ABCB4: variants seen among roughly 807,000 people sequenced by gnomAD.
ABCB4 encodes phosphatidylcholine translocator ABCB4.
Under a neutral mutation model 145.7 loss-of-function variants are expected in ABCB4, and 76 were observed. That is an observed-to-expected ratio of 0.52 (90% CI 0.43 to 0.63). ABCB4 has a LOEUF of 0.63. Ranked by LOEUF, ABCB4 falls within the 30% of genes least tolerant of loss-of-function variation. ABCB4 has a pLI of 0.00. For missense variants in ABCB4, 1,234 were observed against 1,553.1 expected, an observed-to-expected ratio of 0.79 and a Z score of 3.45; for synonymous variants, 517 against 566.8, an observed-to-expected ratio of 0.91 and a Z score of 1.25.
Position 87,412,030 on chromosome 7 carries a change from A to G in ABCB4, c.2787T>C (p.Asn929=). ...CATAGATGTGTGCCTTCTGCACAGA[A>G]TTCCTGAAAAGCAAATCAGTATACT... ...YVEKLYGPYR[N]SVQKAHIYGI... Residue 929 remains asparagine (N), a synonymous_variant, in exon 23 of 28, where the codon AAT becomes AAC. Transcript: ENST00000649586. 1.2e-6 allele frequency: 2 copies of G among 1,613,682 alleles called. No individual in the cohort carries two copies. The highest frequency in any genetic ancestry group is 2.2e-5 in the South Asian group (2 of 91,072).
chr7:87,449,084 C>T (rs993396578), intron 8 of ABCB4, among the ~76,000 whole-genome samples: 2 of 152,162 alleles, frequency 1.3e-5, no homozygotes, highest in Non-Finnish European at 2.9e-5. Context: ...GTATACACAG[C>T]TTTTCATATG....
At chr7:87,366,180 A>T in the ABCB4 span, among the ~76,000 whole-genome samples, 1 of 152,068 alleles carries the variant, frequency 6.6e-6, no homozygotes, top group Admixed American at 6.6e-5. Context: ...TCTCTAAAAG[A>T]TGTTACTAAA....
chr7:87,454,372 A>G (rs1811970471), intron 5 of ABCB4, among the ~76,000 whole-genome samples, 163 bp downstream of exon 5: 1 of 152,246 alleles, frequency 6.6e-6, no homozygotes, highest in South Asian at 2.1e-4. Context: ...GTAAAGGGCC[A>G]TGATGTGTGC....
chr7:87,468,752 G>A (rs1004309319), intron 3 of ABCB4, among the ~76,000 whole-genome samples: 2 of 151,868 alleles, frequency 1.3e-5, no homozygotes, highest in African/African-American at 2.4e-5. Flanking sequence ...CTAACATGGT[G>A]AAACCCTGTC....
At position 87,406,427 on chromosome 7, in the gene ABCB4, G is replaced by A; in HGVS notation, c.3347C>T (p.Ser1116Phe). The A allele has an allele frequency of 6.2e-7, 1 of 1,613,978 alleles. No individual in the cohort carries two copies. Among genetic ancestry groups the A allele is most frequent in the South Asian group, 1.1e-5 (1 of 91,060 alleles). ...QWLRAQLGIVSQEPILFDCSI... is the reference protein window; with the variant it reads ...QWLRAQLGIVFQEPILFDCSI... Reference sequence around the variant, plus strand: ...GCAGTCAAATAGGATAGGCTCCTGAGACACGATTCCGAGTTGAGCTCTGAG... The same window carrying A: ...GCAGTCAAATAGGATAGGCTCCTGAAACACGATTCCGAGTTGAGCTCTGAG... The change falls in exon 26 of 28, where the codon TCT becomes TTT. Residue 1116 changes from serine (S) to phenylalanine (F), a missense_variant. Physicochemically the swap from Ser to Phe is radical, Grantham distance 155 (BLOSUM62 -2). Coordinates refer to ENST00000649586, the MANE Select transcript of ABCB4 (RefSeq NM_000443.4).
At chr7:87,434,691 T>C (rs1584731901) in intron 14 of ABCB4, among the ~76,000 whole-genome samples, 3 of 152,248 alleles carry the variant, frequency 2.0e-5, no homozygotes, top group South Asian at 4.1e-4. Context: ...GAGGTTGCAG[T>C]GAGCCAAGAT....
intron 16 of ABCB4, among the ~76,000 whole-genome samples, chr7:87,424,806 T>A (rs1809695471): frequency 6.6e-6 from 1 of 152,144 alleles, no homozygotes. Context: ...CATATAAGAT[T>A]CTCAGCAAAT....
intron 24 of ABCB4, among the ~76,000 whole-genome samples, chr7:87,408,673 A>G (rs1808391004): frequency 6.6e-6 from 1 of 152,164 alleles, no homozygotes; most frequent in African/African-American, 2.4e-5. Context: ...GGGCACAGCA[A>G]TTTTATCAGA....
rs1397821232 is a variant in ABCB4, at chr7:87,444,993, A to T, written c.1006-18T>A. On this transcript the variant is annotated intron_variant, in intron 9 of 27. Coordinates refer to ENST00000649586, the MANE Select transcript of ABCB4 (RefSeq NM_000443.4). ...AAAAAAACCTGAGCAAAATAACATG[A>T]GGAAAAGTTTAAGTCACATTCTGGC... 1 of 1,538,818 alleles carries T rather than the reference A, an allele frequency of 6.5e-7. No homozygotes were observed. Among genetic ancestry groups the T allele is most frequent in the Non-Finnish European group, 8.9e-7 (1 of 1,126,006 alleles).
chr7:87,386,992 G>C, the ABCB4 span, among the ~76,000 whole-genome samples: 1 of 152,078 alleles, frequency 6.6e-6, no homozygotes. Context: ...TTTCAGTGTA[G>C]TATTGTGAGT....
the ABCB4 span, chr7:87,382,537 A>G: frequency 1.2e-6 from 2 of 1,613,296 alleles, no homozygotes; most frequent in Non-Finnish European, 1.7e-6. Context: ...TACAGACTTC[A>G]TGGACAGTAA....
In ABCB4 at chr7:87,429,899, A is replaced by T. The variant is rs542389355; in HGVS notation, c.1893+1505T>A. Reference sequence around the variant, plus strand: ...CATTTATCATCATCTAATTTGTGTCAGGTCTTTTTTTTTTTAAAAAAAAAA... The same window carrying T: ...CATTTATCATCATCTAATTTGTGTCTGGTCTTTTTTTTTTTAAAAAAAAAA... On this transcript the variant is annotated intron_variant, in intron 15 of 27. Coordinates refer to ENST00000649586, the MANE Select transcript of ABCB4 (RefSeq NM_000443.4). 2.3e-3 allele frequency among the ~76,000 whole-genome samples: 338 copies of T among 144,704 alleles called. 2 individuals are homozygous for T. In the South Asian group the frequency reaches 0.029, roughly 12 times the overall value. The allele number at this position is 144,704 out of a possible 152,430, so 94.9% of individuals were successfully genotyped here.
chr7:87,435,232 T>G (rs1407582211), intron 14 of ABCB4, among the ~76,000 whole-genome samples: 1 of 152,232 alleles, frequency 6.6e-6, no homozygotes, highest in Non-Finnish European at 1.5e-5. Flanking sequence ...AGGTATGGTT[T>G]ATTGTCTGTA....
intron 15 of ABCB4, among the ~76,000 whole-genome samples, chr7:87,427,419 C>A (rs971396641): frequency 6.6e-6 from 1 of 152,178 alleles, no homozygotes; most frequent in Admixed American, 6.6e-5. Flanking sequence ...CTCATGCACA[C>A]AACGAGACCC....
At chr7:87,372,020 A>C in the ABCB4 span, among the ~76,000 whole-genome samples, 22 of 141,340 alleles carry the variant, frequency 1.6e-4, 1 homozygote, top group African/African-American at 4.4e-4. Context: ...AAAAAAAAAA[A>C]CAAAAAAAAG....
chr7:87,408,020 T>C lies in ABCB4; in HGVS notation c.3279+17A>G. The stretch of plus-strand genomic sequence containing the variant: ...TAAAATATAGCCTTCAATCAAGTTA[T>C]AAGGAAATGTGCTCACCACTGTCCC... On this transcript the variant is annotated intron_variant, in intron 25 of 27. Transcript: ENST00000649586. The C allele has an allele frequency of 6.2e-7, 1 of 1,612,734 alleles. No homozygotes were observed. Among genetic ancestry groups the C allele is most frequent in the Non-Finnish European group, 8.5e-7 (1 of 1,179,884 alleles).
Position 87,412,024 on chromosome 7 carries a change from C to A in ABCB4, c.2793G>T (p.Val931=). The A allele has an allele frequency of 1.9e-6, 3 of 1,613,678 alleles. No homozygotes were observed. Among genetic ancestry groups the A allele is most frequent in the Non-Finnish European group, 2.5e-6 (3 of 1,179,662 alleles). Residue 931 remains valine (V), a synonymous_variant, in exon 23 of 28, where the codon GTG becomes GTT. Transcript: ENST00000649586. Reference sequence around the variant, plus strand: ...TAATTCCATAGATGTGTGCCTTCTGCACAGAATTCCTGAAAAGCAAATCAG... The same window carrying A: ...TAATTCCATAGATGTGTGCCTTCTGAACAGAATTCCTGAAAAGCAAATCAG... ...EKLYGPYRNS[V]QKAHIYGITF... is the part of the protein sequence containing the mutation.
the ABCB4 span, among the ~76,000 whole-genome samples, chr7:87,383,124 G>C: frequency 6.6e-6 from 1 of 152,094 alleles, no homozygotes; most frequent in Non-Finnish European, 1.5e-5. Flanking sequence ...AATGTTCCAA[G>C]TCTTCTCTTC....
chr7:87,463,700 T>A (rs371072816), intron 3 of ABCB4, among the ~76,000 whole-genome samples: 16 of 152,202 alleles, frequency 1.1e-4, no homozygotes, highest in East Asian at 7.7e-4. Flanking sequence ...TGGGAGAGGA[T>A]GTTGGAGAGA....
Sources: gnomAD v4.1 joint callset for allele counts (sites outside exome capture counted in the v4.1 genomes callset) on GRCh38, gnomAD v4.1.1 for gene constraint, MANE v1.5 for transcripts, NCBI Gene and HGNC (gene_info 2026-07-23, HGNC 2026-07-21) for gene names.